ROBO2: variants seen among roughly 807,000 people sequenced by gnomAD.
ROBO2 encodes the protein roundabout homolog 2.
In ROBO2, 53 loss-of-function variants were observed where a neutral mutation model predicts 160.8. The ratio of observed to expected loss-of-function variants is 0.33; its 90% CI spans 0.26 to 0.41. The LOEUF (loss-of-function observed/expected upper bound fraction) is 0.41, where lower values mean the gene tolerates loss of function less well. Among genes scored for constraint, ROBO2 ranks in the 10% least tolerant of loss-of-function variants. ROBO2 has a pLI of 1.00. For synonymous variants in ROBO2, 664 were observed against 611.7 expected (o/e 1.09, Z -1.26); for missense variants, 1,577 against 1,722.4 (o/e 0.92, Z 1.49).
At chr3:76,930,077 G>A (rs1479413589) in intron 2 of ROBO2, among the ~76,000 whole-genome samples, 1 of 152,104 alleles carries the variant, frequency 6.6e-6, no homozygotes, top group East Asian at 1.9e-4. Flanking sequence ...GGGCTGGAGT[G>A]CAGTGCCGTG....
At chr3:76,824,077 C>T (rs1404351648) in intron 2 of ROBO2, among the ~76,000 whole-genome samples, 2 of 152,128 alleles carry the variant, frequency 1.3e-5, no homozygotes, top group Non-Finnish European at 2.9e-5. Flanking sequence ...TTTAGGGCAA[C>T]GTTGTCTTCT....
Position 75,910,779 on chromosome 3 carries a change from A to C in ROBO2, c.-14+3819A>C, listed in dbSNP as rs546681338. ...AAGAGACTATAGTGTTGACATTAAG[A>C]GAAGTTTTTGATTCTTAAAATAGGA... On this transcript the variant is annotated intron_variant, in intron 1 of 26. Coordinates refer to the ROBO2 transcript ENST00000487694. 2.3e-3 allele frequency among the ~76,000 whole-genome samples: 348 copies of C among 152,302 alleles called. No homozygotes were observed. The Middle Eastern group carries it at 0.027, about 12-fold the overall frequency.
At chr3:76,685,315 A>T (rs1227539002) in intron 2 of ROBO2, among the ~76,000 whole-genome samples, 1 of 151,790 alleles carries the variant, frequency 6.6e-6, no homozygotes, top group Non-Finnish European at 1.5e-5. Flanking sequence ...ATGCTACGGG[A>T]TATCCTGTTC....
intron 21 of ROBO2, among the ~76,000 whole-genome samples, chr3:77,616,474 A>T (rs888420003): frequency 4.6e-5 from 7 of 152,132 alleles, no homozygotes; most frequent in African/African-American, 1.7e-4. Flanking sequence ...TGTTTAACAA[A>T]GGGTGGAAGA....
At chr3:77,615,620 G>T (rs1000747029) in intron 21 of ROBO2, among the ~76,000 whole-genome samples, 1 of 152,036 alleles carries the variant, frequency 6.6e-6, no homozygotes, top group Non-Finnish European at 1.5e-5. Flanking sequence ...CTTTCACTTG[G>T]TGATATGCGT....
At chr3:76,661,055 G>A (rs898961812) in intron 2 of ROBO2, among the ~76,000 whole-genome samples, 17 of 152,112 alleles carry the variant, frequency 1.1e-4, no homozygotes, top group Non-Finnish European at 1.6e-4. Context: ...AGCCAGAGAA[G>A]CAACCACTTT....
chr3:76,314,551 C>A (rs915408278), intron 2 of ROBO2, among the ~76,000 whole-genome samples: 1 of 152,030 alleles, frequency 6.6e-6, no homozygotes, highest in Non-Finnish European at 1.5e-5. Flanking sequence ...CTCTGCCACC[C>A]CTGAGACAGC....
At chr3:76,309,243 G>C (rs1339135801) in intron 2 of ROBO2, among the ~76,000 whole-genome samples, 1 of 152,136 alleles carries the variant, frequency 6.6e-6, no homozygotes, top group Non-Finnish European at 1.5e-5. Flanking sequence ...ACAGGATAGT[G>C]ACTGGAAAAA....
chr3:76,120,749 G>T (rs2070717175), intron 2 of ROBO2, among the ~76,000 whole-genome samples: 1 of 152,102 alleles, frequency 6.6e-6, no homozygotes, highest in South Asian at 2.1e-4. Flanking sequence ...AATTTACCAA[G>T]CTCAGATTCT....
chr3:76,505,525 G>A (rs1048991506), intron 2 of ROBO2, among the ~76,000 whole-genome samples: 4 of 152,186 alleles, frequency 2.6e-5, no homozygotes, highest in African/African-American at 9.6e-5. Context: ...TCATACTGCG[G>A]TAGGGTGGAC....
chr3:77,521,808 A>C (rs2153627530), intron 5 of ROBO2, among the ~76,000 whole-genome samples: 1 of 151,404 alleles, frequency 6.6e-6, no homozygotes, highest in South Asian at 2.1e-4. Context: ...TTTTAAATGC[A>C]AGCCTAAAAT....
At chr3:76,811,845 C>A (rs2065210677) in intron 2 of ROBO2, among the ~76,000 whole-genome samples, 1 of 103,176 alleles carries the variant, frequency 9.7e-6, no homozygotes, top group South Asian at 3.5e-4. Flanking sequence ...TTCTTTCCTT[C>A]CTTCCTTCCT....
intron 1 of ROBO2, among the ~76,000 whole-genome samples, chr3:77,075,799 TC>T (rs2067932416): frequency 6.8e-6 from 1 of 146,998 alleles, no homozygotes; most frequent in Non-Finnish European, 1.5e-5. Context: ...TTCCTCAGCC[TC>T]CCGAGTAGTT....
chr3:76,313,402 C>A (rs2071738855), intron 2 of ROBO2, among the ~76,000 whole-genome samples: 1 of 152,136 alleles, frequency 6.6e-6, no homozygotes, highest in Non-Finnish European at 1.5e-5. Context: ...GCATGCTATG[C>A]AGTCTTTTAA....
At chr3:77,461,393 A>G (rs1231563482) in intron 2 of ROBO2, among the ~76,000 whole-genome samples, 5 of 152,008 alleles carry the variant, frequency 3.3e-5, no homozygotes, top group Non-Finnish European at 7.4e-5. Context: ...ACTGGTATTG[A>G]GAAAAGTTCA....
intron 6 of ROBO2, among the ~76,000 whole-genome samples, chr3:77,525,520 C>G (rs767614694): frequency 7.3e-5 from 11 of 150,728 alleles, no homozygotes; most frequent in Non-Finnish European, 1.3e-4. Flanking sequence ...CAGTCAACAA[C>G]AAACCTCCTA....
At chr3:76,532,330 T>G (rs1304034910) in intron 2 of ROBO2, among the ~76,000 whole-genome samples, 2 of 152,220 alleles carry the variant, frequency 1.3e-5, no homozygotes, top group Admixed American at 1.3e-4. Flanking sequence ...CTCGGCAGCC[T>G]TAGAAACATC....
At chr3:75,964,654 T>G (rs1949041615) in intron 2 of ROBO2, among the ~76,000 whole-genome samples, 1 of 151,672 alleles carries the variant, frequency 6.6e-6, no homozygotes, top group Non-Finnish European at 1.5e-5. Flanking sequence ...CATCCCTATT[T>G]TACCAAGGAA....
At chr3:76,990,489 A>G (rs942412024) in intron 2 of ROBO2, among the ~76,000 whole-genome samples, 23 of 152,214 alleles carry the variant, frequency 1.5e-4, no homozygotes, top group Admixed American at 5.9e-4. Context: ...TTCAGAATAT[A>G]ATTTGCTGCT....
Sources: gnomAD v4.1 joint callset for allele counts (sites outside exome capture counted in the v4.1 genomes callset) on GRCh38, gnomAD v4.1.1 for gene constraint, MANE v1.5 for transcripts, NCBI Gene and HGNC (gene_info 2026-07-23, HGNC 2026-07-21) for gene names.